Variants in PLEKHA1 observed in about 807,000 individuals in gnomAD.
PLEKHA1 encodes the protein pleckstrin homology domain containing A1, also known as pleckstrin homology domain-containing family A member 1.
Under a neutral mutation model 52.0 loss-of-function variants are expected in PLEKHA1, and 34 were observed. The observed-to-expected ratio is 0.65, with a 90% CI of 0.50 to 0.87. The LOEUF is 0.87. PLEKHA1 is among the 40% of genes least tolerant of loss of function. The pLI, the probability that PLEKHA1 is intolerant of heterozygous loss-of-function variation, is 0.00. For synonymous variants in PLEKHA1, 163 were observed against 170.7 expected (o/e 0.95, Z 0.35); for missense variants, 497 against 504.2 (o/e 0.99, Z 0.14).
intron 1 of PLEKHA1, among the ~76,000 whole-genome samples, chr10:122,392,733 A>G (rs1057281611): frequency 2.0e-5 from 3 of 152,204 alleles, no homozygotes; most frequent in Admixed American, 6.5e-5. Context: ...TAAAAGAGTT[A>G]ACATATGGAA....
At chr10:122,438,798 C>T in the PLEKHA1 span, 1 of 152,002 alleles carries the variant, frequency 6.6e-6, no homozygotes, top group Non-Finnish European at 1.5e-5. Context: ...TTCCCTGGGC[C>T]CCAGTGGAAG....
In PLEKHA1 at chr10:122,418,263, C is replaced by T. The variant is rs561895917; in HGVS notation, c.681+295C>T. On this transcript the variant is annotated intron_variant, in intron 8 of 11. Coordinates refer to ENST00000368990, the MANE Select transcript of PLEKHA1 (RefSeq NM_001001974.4). Reference sequence around the variant, plus strand: ...GGGCTGTCCTCTTGGGGGGTTAGCCCCACGTGGAGTAGGGAGAGAAGGGCA... The same window carrying T: ...GGGCTGTCCTCTTGGGGGGTTAGCCTCACGTGGAGTAGGGAGAGAAGGGCA... 4 of 251,938 alleles carry T rather than the reference C, an allele frequency of 1.6e-5. No individual in the cohort carries two copies. In the South Asian group the frequency reaches 3.8e-4, roughly 24 times the overall value. 15.6% of individuals were successfully genotyped at this position (251,938 alleles called of 1,614,324 possible). A position where few individuals can be genotyped will look rare whatever the true frequency, so the allele number is the denominator to read the frequency against.
chr10:122,421,638 T>A (rs2097261412), intron 8 of PLEKHA1: 1 of 151,652 alleles, frequency 6.6e-6, no homozygotes, highest in African/African-American at 2.4e-5. Context: ...GTTTCAAAGA[T>A]TAAAAAAAGA....
intron 10 of PLEKHA1, among the ~76,000 whole-genome samples, chr10:122,426,710 G>T (rs2097344454): frequency 6.6e-6 from 1 of 152,030 alleles, no homozygotes; most frequent in South Asian, 2.1e-4. Context: ...CATTATTGAC[G>T]CCTGTTGATG....
chr10:122,389,010 C>T (rs4752691), intron 1 of PLEKHA1, among the ~76,000 whole-genome samples: 47,550 of 152,058 alleles, frequency 0.31, 8,071 homozygotes, highest in Non-Finnish European at 0.4. Flanking sequence ...AAGTCATCCA[C>T]GAGAGTTGGA....
chr10:122,418,531 T>C (rs1484109860), intron 8 of PLEKHA1: 3 of 152,232 alleles, frequency 2.0e-5, no homozygotes, highest in Admixed American at 2.0e-4. Flanking sequence ...AACATTACAG[T>C]GAGGAAAGTG....
intron 3 of PLEKHA1, 26 bp downstream of exon 3, chr10:122,398,000 T>C (rs755813070): frequency 1.9e-6 from 3 of 1,566,218 alleles, no homozygotes; most frequent in Non-Finnish European, 1.8e-6. Context: ...TGTCTTATAC[T>C]CGTGTGAATT....
chr10:122,414,297 G>T (rs1481328597), intron 6 of PLEKHA1, among the ~76,000 whole-genome samples: 1 of 152,044 alleles, frequency 6.6e-6, no homozygotes, highest in Non-Finnish European at 1.5e-5. Context: ...CTAGAGTTAA[G>T]ATTTTGTTGC....
At chr10:122,384,472 G>A (rs899381464) in intron 1 of PLEKHA1, among the ~76,000 whole-genome samples, 3 of 152,014 alleles carry the variant, frequency 2.0e-5, no homozygotes, top group Non-Finnish European at 2.9e-5. Context: ...GCCGGGTGAG[G>A]TGGTGGGCGC....
At chr10:122,406,776 T>C (rs2097022380) in intron 5 of PLEKHA1, 103 bp downstream of exon 5, 2 of 840,574 alleles carry the variant, frequency 2.4e-6, no homozygotes, top group African/African-American at 3.4e-5. Flanking sequence ...ACAGGTTTCA[T>C]ACTCAAGCTT....
At chr10:122,407,461 G>T (rs1193925655) in intron 5 of PLEKHA1, among the ~76,000 whole-genome samples, 5 of 152,142 alleles carry the variant, frequency 3.3e-5, no homozygotes, top group Non-Finnish European at 7.4e-5. Context: ...GTAGATTATG[G>T]AGCTGGAAGC....
intron 8 of PLEKHA1, chr10:122,419,334 A>G (rs904563318): frequency 6.6e-6 from 1 of 152,194 alleles, no homozygotes; most frequent in Non-Finnish European, 1.5e-5. Context: ...TCTTTGAATG[A>G]ATGAAAAATG....
chr10:122,440,793 C>T, the PLEKHA1 span: 1 of 152,016 alleles, frequency 6.6e-6, no homozygotes. Context: ...TAGATTGGCC[C>T]AAAGGGGACA....
chr10:122,400,908 T>TA (rs1291324181), intron 4 of PLEKHA1, among the ~76,000 whole-genome samples: 1 of 152,130 alleles, frequency 6.6e-6, no homozygotes, highest in Non-Finnish European at 1.5e-5. Flanking sequence ...GGCTCATAAA[T>TA]AAAAAATACC....
chr10:122,411,010 T>C (rs2097099344), intron 5 of PLEKHA1, among the ~76,000 whole-genome samples: 1 of 152,204 alleles, frequency 6.6e-6, no homozygotes. Flanking sequence ...CATTAGAAAA[T>C]ATAATGGGCT....
chr10:122,406,535 A>G (rs770167119), intron 4 of PLEKHA1, 41 bp from the exon 5 acceptor site: 4 of 1,480,508 alleles, frequency 2.7e-6, no homozygotes, highest in Non-Finnish European at 3.8e-6. Flanking sequence ...TTTAGAGGTA[A>G]TAAGTACAAT....
intron 2 of PLEKHA1, 30 bp from the exon 3 acceptor site, chr10:122,397,888 A>G (rs1419046832): frequency 6.7e-7 from 1 of 1,503,174 alleles, no homozygotes; most frequent in Non-Finnish European, 9.2e-7. Context: ...AATATTGGAT[A>G]TTAAGTATAT....
At chr10:122,422,518 T>G (rs2097274171) in intron 8 of PLEKHA1, 1 of 152,058 alleles carries the variant, frequency 6.6e-6, no homozygotes, top group Non-Finnish European at 1.5e-5. Context: ...CTGTCAAAAG[T>G]GTATAAACTG....
At chr10:122,436,868 C>G (rs756085988), downstream of PLEKHA1, 11 of 151,854 alleles carry the variant, frequency 7.2e-5, no homozygotes, top group Non-Finnish European at 1.5e-4. Context: ...ACATTGTTCT[C>G]TTAAGGCTCC....
Sources: gnomAD v4.1 joint callset for allele counts (sites outside exome capture counted in the v4.1 genomes callset) on GRCh38, gnomAD v4.1.1 for gene constraint, MANE v1.5 for transcripts, NCBI Gene and HGNC (gene_info 2026-07-23, HGNC 2026-07-21) for gene names.